Variants in DOCK3 observed in about 807,000 individuals in gnomAD.
DOCK3 encodes dedicator of cytokinesis protein 3.
In DOCK3, 60 loss-of-function variants were observed where a neutral mutation model predicts 265.6. The ratio of observed to expected loss-of-function variants is 0.23; its 90% confidence interval spans 0.18 to 0.28. The LOEUF (loss-of-function observed/expected upper bound fraction) is 0.28, where lower values mean the gene tolerates loss of function less well. DOCK3 is among the 10% of genes least tolerant of loss of function. DOCK3 has a pLI of 1.00. For missense variants in DOCK3, 1,981 were observed against 2,594.3 expected, an observed-to-expected ratio of 0.76 and a Z score of 5.14; for synonymous variants, 881 against 938.0, an observed-to-expected ratio of 0.94 and a Z score of 1.11.
chr3:50,869,717 C>CTT (rs62717061), intron 3 of DOCK3, among the ~76,000 whole-genome samples: 141,123 of 152,060 alleles, frequency 0.93, 65,618 homozygotes, highest in East Asian at 1. Flanking sequence ...TTGATTTGCT[C>CTT]GCTTTGCTAG....
chr3:50,747,378 T>C (rs1408005278), intron 1 of DOCK3, among the ~76,000 whole-genome samples: 1 of 152,240 alleles, frequency 6.6e-6, no homozygotes, highest in African/African-American at 2.4e-5. Context: ...GATTAAAATC[T>C]ATTGATTAAT....
At chr3:51,187,830 AG>A (rs2107801659) in intron 12 of DOCK3, among the ~76,000 whole-genome samples, 1 of 142,494 alleles carries the variant, frequency 7.0e-6, no homozygotes, top group East Asian at 2.1e-4. Flanking sequence ...CGTGATTGTG[AG>A]GCCTCCCCAG....
Position 51,381,195 on chromosome 3 carries a change from G to T in DOCK3, c.5729G>T (p.Arg1910Leu). 1 of 1,613,834 alleles carries T rather than the reference G, an allele frequency of 6.2e-7. No homozygotes were observed. Among genetic ancestry groups the T allele is most frequent in the Non-Finnish European group, 8.5e-7 (1 of 1,179,854 alleles). The change falls in exon 53 of 53, where the codon CGC becomes CTC. Residue 1910 changes from arginine to leucine, a missense_variant. Arg to Leu is a moderately radical substitution (Grantham distance 102, BLOSUM62 -2). This residue lies in a region of DOCK3 where 1,357 missense variants were observed against 1,866.8 expected (regional missense o/e 0.73). Transcript: ENST00000266037. The surrounding 1 kb of genome is among the most constrained non-coding windows in gnomAD (Gnocchi z 5.6). ...NFGHSSEAPP[R>L]TDTMDSMPSQ... ...GGGCACTCCTCGGAGGCCCCACCTC[G>T]CACTGACACCATGGACTCCATGCCA...
intron 12 of DOCK3, among the ~76,000 whole-genome samples, chr3:51,165,789 G>A (rs1440563548): frequency 2.0e-5 from 3 of 151,844 alleles, no homozygotes; most frequent in Non-Finnish European, 2.9e-5. Context: ...TTTTATTATG[G>A]ATGAATAATC....
intron 27 of DOCK3, among the ~76,000 whole-genome samples, chr3:51,298,617 G>C (rs2082224408): frequency 6.6e-6 from 1 of 151,980 alleles, no homozygotes; most frequent in Non-Finnish European, 1.5e-5. Flanking sequence ...CTGTGTCCAT[G>C]TGATCTCATT....
rs556140611 is a variant in DOCK3, at chr3:51,234,315, C to A, written c.1918-2030C>A. 2.0e-5 allele frequency among the ~76,000 whole-genome samples: 3 copies of A among 152,212 alleles called. No individual in the cohort carries two copies. In the East Asian group the frequency reaches 5.8e-4, roughly 29 times the overall value. ...CTTTTGAGAAATGTCTACTTAGGTC[C>A]TTTTTCCCATCTTTTTGATTGCGTT... On this transcript the variant is annotated intron_variant, in intron 19 of 52. Transcript: ENST00000266037.
At chr3:50,823,448 A>T (rs533686505) in intron 2 of DOCK3, among the ~76,000 whole-genome samples, 2 of 152,340 alleles carry the variant, frequency 1.3e-5, no homozygotes, top group Non-Finnish European at 2.9e-5. Flanking sequence ...CCCTGAGTGG[A>T]CACAGCACAT....
chr3:51,064,562 C>T lies in DOCK3; in HGVS notation c.430C>T (p.Arg144Trp), dbSNP rs747757018. The change falls in exon 6 of 53, where the codon CGG becomes TGG. Residue 144 changes from arginine to tryptophan, a missense_variant. By Grantham distance (101) the Arg-to-Trp change is moderately radical. Around this residue, in one of 4 missense-constraint regions of DOCK3, gnomAD observed 456 missense variants for 539.0 expected, o/e 0.85. Transcript: ENST00000266037. ...LTQDQVREVK[R>W]HITVRLDWGN... ...TCAGGATCAGGTGCGGGAGGTTAAG[C>T]GGCACATCACCGTGCGCCTGGACTG... 6.8e-6 allele frequency: 11 copies of T among 1,613,786 alleles called. No homozygotes were observed. The highest frequency in any genetic ancestry group is 1.3e-5 in the African/African-American group (1 of 74,916).
In DOCK3 at chr3:51,362,065, G is replaced by T. The variant is rs921820745; in HGVS notation, c.5145+68G>T. ...ACAGAACTCACCTTGCTGTTGCAATGTCTAGTCTGAGGGCTTGGCAACCCT... is the reference window on the plus strand; with the variant it reads ...ACAGAACTCACCTTGCTGTTGCAATTTCTAGTCTGAGGGCTTGGCAACCCT... On this transcript the variant is annotated intron_variant, in intron 48 of 52. Coordinates refer to ENST00000266037, the MANE Select transcript of DOCK3 (RefSeq NM_004947.5). 2.0e-6 allele frequency: 3 copies of T among 1,519,354 alleles called. No individual in the cohort carries two copies. In the African/African-American group the frequency reaches 4.1e-5, roughly 21 times the overall value. The allele number at this position is 1,519,354 out of a possible 1,614,324, so 94.1% of individuals were successfully genotyped here.
chr3:50,854,592 G>GTTTTT (rs71084118), intron 3 of DOCK3, among the ~76,000 whole-genome samples: 4 of 47,220 alleles, frequency 8.5e-5, no homozygotes, highest in East Asian at 8.4e-4. Context: ...CATCACACCA[G>GTTTTT]TTTTTTTTTT....
At chr3:50,693,597 A>G (rs1330867499) in intron 1 of DOCK3, among the ~76,000 whole-genome samples, 2 of 126,524 alleles carry the variant, frequency 1.6e-5, no homozygotes, top group Non-Finnish European at 3.1e-5. Flanking sequence ...GTGCAGTGGC[A>G]TGATCTCGGC....
chr3:51,085,162 C>T (rs2082375228), intron 7 of DOCK3, among the ~76,000 whole-genome samples: 1 of 152,166 alleles, frequency 6.6e-6, no homozygotes, highest in African/African-American at 2.4e-5. Flanking sequence ...AATACCACAG[C>T]ACCCAGATAT....
intron 49 of DOCK3, among the ~76,000 whole-genome samples, chr3:51,365,663 C>G (rs993995628): frequency 2.6e-5 from 4 of 152,210 alleles, no homozygotes; most frequent in African/African-American, 9.6e-5. Flanking sequence ...TATGTCCCAT[C>G]AATACCTAGT....
At chr3:51,243,873 G>A (rs114875788) in intron 21 of DOCK3, among the ~76,000 whole-genome samples, 40 of 152,176 alleles carry the variant, frequency 2.6e-4, no homozygotes, top group African/African-American at 9.2e-4. Flanking sequence ...GTTAATTTTT[G>A]TATATTGTAT....
At chr3:50,761,687 A>G (rs1421374801) in intron 1 of DOCK3, among the ~76,000 whole-genome samples, 2 of 152,202 alleles carry the variant, frequency 1.3e-5, no homozygotes, top group Admixed American at 6.5e-5. Context: ...ATTTTTCACC[A>G]TTTTTCTGAG....
At chr3:51,121,131 G>A (rs1025795292) in intron 9 of DOCK3, among the ~76,000 whole-genome samples, 3 of 152,192 alleles carry the variant, frequency 2.0e-5, no homozygotes, top group South Asian at 2.1e-4. Context: ...GTAGGCATCC[G>A]TGGGAATCTT....
intron 1 of DOCK3, among the ~76,000 whole-genome samples, chr3:50,721,565 A>G (rs1242521629): frequency 6.6e-6 from 1 of 151,688 alleles, no homozygotes; most frequent in Non-Finnish European, 1.5e-5. Context: ...TTTTTGTACC[A>G]GTATCATGCT....
At chr3:51,109,148 C>T (rs2083411597) in intron 9 of DOCK3, among the ~76,000 whole-genome samples, 1 of 152,128 alleles carries the variant, frequency 6.6e-6, no homozygotes. Flanking sequence ...TCAGCAAATA[C>T]AAAGCAAGCA....
chr3:51,377,985 G>A (rs576895755), intron 51 of DOCK3, among the ~76,000 whole-genome samples: 149 of 152,258 alleles, frequency 9.8e-4, no homozygotes, highest in Non-Finnish European at 1.8e-3. Flanking sequence ...TGGCAGAGAG[G>A]GGAAGGTACA....
Sources: gnomAD v4.1 joint callset for allele counts (sites outside exome capture counted in the v4.1 genomes callset) on GRCh38, gnomAD v4.1.1 for gene constraint, gnomAD v4.1.1 regional missense constraint, Gnocchi (gnomAD v3.1) non-coding constraint, MANE v1.5 for transcripts, NCBI Gene and HGNC (gene_info 2026-07-23, HGNC 2026-07-21) for gene names.